PTPRT: variants seen among roughly 807,000 people sequenced by gnomAD.
PTPRT encodes protein tyrosine phosphatase receptor type T.
In PTPRT, 56 loss-of-function variants were observed where a neutral mutation model predicts 176.8. That is an observed-to-expected ratio of 0.32 (90% confidence interval 0.26 to 0.40). PTPRT has a LOEUF of 0.40. PTPRT is among the 10% of genes least tolerant of loss of function. PTPRT has a pLI of 1.00. For missense variants in PTPRT, 1,540 were observed against 1,908.2 expected, an observed-to-expected ratio of 0.81 and a Z score of 3.60; for synonymous variants, 783 against 739.0, an observed-to-expected ratio of 1.06 and a Z score of -0.96.
chr20:43,146,521 G>T (rs2014172618), intron 1 of PTPRT, among the ~76,000 whole-genome samples: 1 of 150,940 alleles, frequency 6.6e-6, no homozygotes. Context: ...AACACTAGTG[G>T]ATGTCACGAC....
chr20:43,145,332 C>T lies in PTPRT; in HGVS notation c.88+44314G>A, dbSNP rs542659306. 7.9e-5 allele frequency among the ~76,000 whole-genome samples: 12 copies of T among 152,260 alleles called. No homozygotes were observed. The East Asian group carries it at 2.3e-3, about 29-fold the overall frequency. Reference sequence around the variant, plus strand: ...ATATGTGTAATCCTTTCATCTACTCCAAGCTTGTTGAAAGAAAGCAAGAAT... The same window carrying T: ...ATATGTGTAATCCTTTCATCTACTCTAAGCTTGTTGAAAGAAAGCAAGAAT... On this transcript the variant is annotated intron_variant, in intron 1 of 30. Coordinates refer to ENST00000373187, the MANE Select transcript of PTPRT (RefSeq NM_007050.6).
At chr20:42,329,620 T>C (rs2145430164) in intron 11 of PTPRT, among the ~76,000 whole-genome samples, 1 of 151,718 alleles carries the variant, frequency 6.6e-6, no homozygotes, top group East Asian at 1.9e-4. Context: ...GAATAAATAC[T>C]CCCCAAACAT....
chr20:42,205,729 G>C (rs2055440787), intron 15 of PTPRT, among the ~76,000 whole-genome samples: 2 of 151,908 alleles, frequency 1.3e-5, no homozygotes, highest in African/African-American at 4.8e-5. Flanking sequence ...TCCTCCTCTG[G>C]GCCATCCTCC....
intron 13 of PTPRT, among the ~76,000 whole-genome samples, chr20:42,262,561 A>T (rs945716845): frequency 1.3e-5 from 2 of 152,236 alleles, no homozygotes; most frequent in African/African-American, 4.8e-5. Context: ...CTAGTGACTC[A>T]CAATTAGCCC....
intron 7 of PTPRT, among the ~76,000 whole-genome samples, chr20:42,535,856 C>T (rs183893627): frequency 6.6e-6 from 1 of 152,228 alleles, no homozygotes; most frequent in East Asian, 1.9e-4. Flanking sequence ...TATTCCATGG[C>T]CATTGGGGTG....
intron 1 of PTPRT, among the ~76,000 whole-genome samples, chr20:43,091,658 G>A (rs1345141387): frequency 2.0e-5 from 3 of 151,894 alleles, no homozygotes; most frequent in African/African-American, 7.3e-5. Flanking sequence ...TATTAATTAG[G>A]AATAGACTGA....
chr20:42,390,420 G>C (rs1276065593), intron 9 of PTPRT, among the ~76,000 whole-genome samples: 1 of 152,160 alleles, frequency 6.6e-6, no homozygotes, highest in African/African-American at 2.4e-5. Context: ...ATTAACCAAA[G>C]TAAATGCCAG....
intron 20 of PTPRT, among the ~76,000 whole-genome samples, chr20:42,119,054 A>T (rs1202040624): frequency 6.6e-6 from 1 of 150,828 alleles, no homozygotes; most frequent in Admixed American, 6.6e-5. Context: ...CCAGGAGCAG[A>T]AAATAGGCTC....
intron 9 of PTPRT, among the ~76,000 whole-genome samples, chr20:42,437,873 G>A (rs2059276315): frequency 1.3e-5 from 2 of 152,204 alleles, no homozygotes; most frequent in African/African-American, 2.4e-5. Flanking sequence ...CAAAACAGAA[G>A]CGAAAGAGCC....
the PTPRT span, among the ~76,000 whole-genome samples, chr20:42,038,359 C>T: frequency 6.6e-6 from 1 of 152,130 alleles, no homozygotes; most frequent in African/African-American, 2.4e-5. Flanking sequence ...CCAAGTTATA[C>T]CCCAGACTGT....
chr20:42,316,791 C>T (rs966334529), intron 11 of PTPRT, among the ~76,000 whole-genome samples: 18 of 152,302 alleles, frequency 1.2e-4, no homozygotes, highest in African/African-American at 4.3e-4. Flanking sequence ...GCCCTGCATC[C>T]TGGCCACCTC....
At chr20:42,089,301 G>A (rs2146147871) in intron 27 of PTPRT, among the ~76,000 whole-genome samples, 1 of 152,268 alleles carries the variant, frequency 6.6e-6, no homozygotes, top group East Asian at 1.9e-4. Context: ...TGGTTGGTCA[G>A]AGAAACCAGA....
At chr20:43,162,767 C>T (rs532636823) in intron 1 of PTPRT, among the ~76,000 whole-genome samples, 1 of 152,020 alleles carries the variant, frequency 6.6e-6, no homozygotes, top group Non-Finnish European at 1.5e-5. Flanking sequence ...TTCATGATGA[C>T]CCGCTGGACA....
intron 7 of PTPRT, among the ~76,000 whole-genome samples, chr20:42,553,824 G>GT (rs2072812677): frequency 1.3e-5 from 2 of 152,230 alleles, no homozygotes; most frequent in South Asian, 4.1e-4. Flanking sequence ...ATGGAGCTTA[G>GT]TTTTTTCTAC....
chr20:42,891,735 A>G (rs1268654955), intron 1 of PTPRT, among the ~76,000 whole-genome samples: 2 of 152,236 alleles, frequency 1.3e-5, no homozygotes, highest in African/African-American at 2.4e-5. Flanking sequence ...TAAGTTTTGT[A>G]GAGGAACTAA....
intron 1 of PTPRT, among the ~76,000 whole-genome samples, chr20:43,097,268 T>A (rs2012210015): frequency 1.3e-5 from 2 of 152,248 alleles, no homozygotes; most frequent in African/African-American, 4.8e-5. Context: ...CTGGGCAGTG[T>A]AATCTCAGGA....
intron 7 of PTPRT, among the ~76,000 whole-genome samples, chr20:42,676,519 C>T (rs2075505600): frequency 6.7e-6 from 1 of 149,102 alleles, no homozygotes; most frequent in South Asian, 2.1e-4. Flanking sequence ...ACTAGAACAT[C>T]CCCAGCTGTA....
At chr20:42,851,706 G>A (rs1274792104) in intron 2 of PTPRT, among the ~76,000 whole-genome samples, 1 of 152,170 alleles carries the variant, frequency 6.6e-6, no homozygotes, top group Non-Finnish European at 1.5e-5. Context: ...CGTCTCTTTT[G>A]CAACTACTCA....
At chr20:42,418,840 G>A (rs554964034) in intron 9 of PTPRT, among the ~76,000 whole-genome samples, 2 of 152,108 alleles carry the variant, frequency 1.3e-5, no homozygotes, top group East Asian at 3.9e-4. Context: ...CTCCCCCGGC[G>A]GAGGAGGAAG....
Sources: gnomAD v4.1 joint callset for allele counts (sites outside exome capture counted in the v4.1 genomes callset) on GRCh38, gnomAD v4.1.1 for gene constraint, MANE v1.5 for transcripts, NCBI Gene and HGNC (gene_info 2026-07-23, HGNC 2026-07-21) for gene names.